Variants in SLC36A1 observed in about 807,000 individuals in gnomAD.
The protein encoded by SLC36A1 is proton-coupled amino acid transporter 1.
In SLC36A1, 30 loss-of-function variants were observed where a neutral mutation model predicts 47.5. That is an observed-to-expected ratio of 0.63 (90% confidence interval 0.47 to 0.86). The LOEUF is 0.86. Among genes scored for constraint, SLC36A1 ranks in the 40% least tolerant of loss-of-function variants. The pLI is 0.00. For synonymous variants in SLC36A1, 255 were observed against 249.7 expected (o/e 1.02, Z -0.20); for missense variants, 517 against 606.0 (o/e 0.85, Z 1.54).
intron 1 of SLC36A1, among the ~76,000 whole-genome samples, chr5:151,458,347 A>G (rs1276164369): frequency 8.3e-6 from 1 of 120,044 alleles, no homozygotes; most frequent in East Asian, 2.5e-4. Context: ...ATATTTATAT[A>G]TATATATATA....
the SLC36A1 span, among the ~76,000 whole-genome samples, chr5:151,425,631 T>G: frequency 6.6e-6 from 1 of 152,000 alleles, no homozygotes; most frequent in Non-Finnish European, 1.5e-5. Flanking sequence ...ATAAATTAAT[T>G]AGGTAAATGA....
the SLC36A1 span, among the ~76,000 whole-genome samples, chr5:151,412,033 T>G: frequency 6.9e-6 from 1 of 145,038 alleles, no homozygotes; most frequent in Non-Finnish European, 1.5e-5. Context: ...TGCTTAAAAC[T>G]TGATACTAAA....
At chr5:151,376,511 G>A in the SLC36A1 span, among the ~76,000 whole-genome samples, 44,665 of 151,994 alleles carry the variant, frequency 0.29, 7,919 homozygotes, top group African/African-American at 0.49. Context: ...GTGATAATAA[G>A]TTGTTAATTG....
At chr5:151,453,514 A>G (rs1469102500) in intron 1 of SLC36A1, among the ~76,000 whole-genome samples, 2 of 152,134 alleles carry the variant, frequency 1.3e-5, no homozygotes, top group East Asian at 3.8e-4. Flanking sequence ...ACTTCAGAAT[A>G]TGTTACCATC....
chr5:151,531,858 C>T, the SLC36A1 span: 4 of 1,614,150 alleles, frequency 2.5e-6, no homozygotes, highest in Non-Finnish European at 3.4e-6. This position sits in a 1 kb window ranked among gnomAD's most constrained non-coding sequence, Gnocchi z 5.7. Context: ...CCAGTGGTGC[C>T]TGGGGCCTGA....
At chr5:151,378,938 A>G in the SLC36A1 span, among the ~76,000 whole-genome samples, 4 of 152,256 alleles carry the variant, frequency 2.6e-5, no homozygotes, top group Non-Finnish European at 5.9e-5. Flanking sequence ...GGACACCCGT[A>G]TCTCTCGGAA....
chr5:151,523,178 C>T, the SLC36A1 span, among the ~76,000 whole-genome samples: 2 of 152,072 alleles, frequency 1.3e-5, no homozygotes, highest in African/African-American at 4.8e-5. Context: ...GGAAGTCATG[C>T]ATAACACCGA....
intron 1 of SLC36A1, among the ~76,000 whole-genome samples, chr5:151,456,024 A>G (rs1342317359): frequency 6.6e-6 from 1 of 152,180 alleles, no homozygotes; most frequent in Non-Finnish European, 1.5e-5. Context: ...GGAGTGACAC[A>G]TGACTGCTCT....
the SLC36A1 span, among the ~76,000 whole-genome samples, chr5:151,538,654 C>G: frequency 6.6e-6 from 1 of 152,050 alleles, no homozygotes; most frequent in Admixed American, 6.5e-5. Context: ...CCCTACATGC[C>G]CTGGATGGAA....
chr5:151,542,420 C>G, the SLC36A1 span: 399 of 1,614,168 alleles, frequency 2.5e-4, 4 homozygotes, highest in African/African-American at 4.8e-3. Context: ...AATCGGGGAG[C>G]ATTGTCATTC....
chr5:151,527,346 G>A, the SLC36A1 span: 1 of 1,612,394 alleles, frequency 6.2e-7, no homozygotes, highest in African/African-American at 1.3e-5. Context: ...CCCACTGTCT[G>A]TGGCTCGGAG....
At chr5:151,539,956 C>G in the SLC36A1 span, among the ~76,000 whole-genome samples, 2 of 152,190 alleles carry the variant, frequency 1.3e-5, no homozygotes, top group African/African-American at 4.8e-5. Flanking sequence ...CTAAATTACC[C>G]CAGCAGATGT....
the SLC36A1 span, among the ~76,000 whole-genome samples, chr5:151,370,594 A>G: frequency 1.3e-5 from 2 of 152,258 alleles, no homozygotes; most frequent in African/African-American, 4.8e-5. Context: ...ACAGCAGAAT[A>G]TTGGAAACAA....
the SLC36A1 span, chr5:151,505,671 T>C: frequency 6.2e-7 from 1 of 1,613,818 alleles, no homozygotes. Flanking sequence ...AGGTGCCCCC[T>C]CCACCTCACA....
At chr5:151,365,576 C>G in the SLC36A1 span, among the ~76,000 whole-genome samples, 1 of 152,204 alleles carries the variant, frequency 6.6e-6, no homozygotes, top group Non-Finnish European at 1.5e-5. Context: ...TCTCATTTTA[C>G]AGCTAGGGAA....
the SLC36A1 span, among the ~76,000 whole-genome samples, chr5:151,424,444 C>A: frequency 6.6e-6 from 1 of 152,158 alleles, no homozygotes; most frequent in Non-Finnish European, 1.5e-5. Flanking sequence ...AGATGGACTT[C>A]CAAGTCAAAA....
chr5:151,480,092 G>C lies in SLC36A1; in HGVS notation c.1159+603G>C, dbSNP rs1343841868. 18 of 1,496,376 alleles carry C rather than the reference G, an allele frequency of 1.2e-5. No individual in the cohort carries two copies. The Admixed American group carries it at 3.8e-4, about 31-fold the overall frequency. The allele number at this position is 1,496,376 out of a possible 1,614,324, so 92.7% of individuals were successfully genotyped here. A position where few individuals can be genotyped will look rare whatever the true frequency, so the allele number is the denominator to read the frequency against. ...TAAAAGACAGGATACCCTTCTGTTT[G>C]CTGTGGTTGAAAACTGGTGACATTT... is the stretch of plus-strand genomic sequence containing the variant. On this transcript the variant is annotated intron_variant, in intron 10 of 10. Coordinates refer to ENST00000243389, the MANE Select transcript of SLC36A1 (RefSeq NM_078483.4).
intron 1 of SLC36A1, 89 bp from the exon 2 acceptor site, chr5:151,458,699 A>C (rs913472858): frequency 7.1e-7 from 1 of 1,413,408 alleles, no homozygotes; most frequent in Non-Finnish European, 9.6e-7. Flanking sequence ...CAACTCTGAC[A>C]ATGACAGCTT....
the SLC36A1 span, among the ~76,000 whole-genome samples, chr5:151,497,562 A>G: frequency 6.6e-6 from 1 of 152,222 alleles, no homozygotes; most frequent in Non-Finnish European, 1.5e-5. Context: ...GAGCAAAGCC[A>G]TATGCATAAC....
Sources: allele counts gnomAD v4.1 joint callset (sites outside exome capture counted in the v4.1 genomes callset), GRCh38; gene constraint gnomAD v4.1.1; non-coding constraint Gnocchi (gnomAD v3.1); transcripts MANE v1.5; gene names NCBI Gene and HGNC (gene_info 2026-07-23, HGNC 2026-07-21).